The following SLC7A9 variants were observed in gnomAD, a reference collection of about 807,000 sequenced individuals.
SLC7A9 encodes the protein B(0,+)-type amino acid transporter 1.
SLC7A9 carries 38 observed loss-of-function variants against 54.1 expected under a neutral mutation model. The observed-to-expected ratio is 0.70, with a 90% CI of 0.54 to 0.92. SLC7A9 has a LOEUF of 0.92. Among genes scored for constraint, SLC7A9 ranks in the 40% least tolerant of loss-of-function variants. The pLI is 0.00. For synonymous variants in SLC7A9, 264 were observed against 258.9 expected (o/e 1.02, Z -0.19); for missense variants, 537 against 636.1 (o/e 0.84, Z 1.68).
At chr19:32,843,996 A>C (rs1305535870) in intron 9 of SLC7A9, 45 bp from the exon 10 acceptor site, 1 of 1,432,058 alleles carries the variant, frequency 7.0e-7, no homozygotes, top group Non-Finnish European at 9.8e-7. Context: ...AGTGCAGACC[A>C]TCTGTCCAGG....
At position 32,854,890 on chromosome 19, in the gene SLC7A9, G is replaced by T. The variant is rs117687915; in HGVS notation, c.977+3550C>A. ...GGCGTGAGCCACTGCACCTGGCCTT[G>T]GGTATATATTTGAATGAATTGAAAT... is the stretch of plus-strand genomic sequence containing the variant. On this transcript the variant is annotated intron_variant, in intron 9 of 12. Coordinates refer to ENST00000023064, the MANE Select transcript of SLC7A9 (RefSeq NM_014270.5). Among the ~76,000 whole-genome samples the T allele has an allele frequency of 8.9e-3, 1,355 of 152,048 alleles. 11 individuals carry two copies. The highest frequency in any genetic ancestry group is 0.017 in the Middle Eastern group (5 of 294).
At chr19:32,867,537 T>A (rs553938773) in intron 2 of SLC7A9, among the ~76,000 whole-genome samples, 18 of 151,186 alleles carry the variant, frequency 1.2e-4, no homozygotes, top group African/African-American at 4.1e-4. Context: ...TTTTTAAAAA[T>A]TTTTAAAAAG....
chr19:32,835,484 C>T (rs968951295), intron 11 of SLC7A9, among the ~76,000 whole-genome samples: 8 of 152,086 alleles, frequency 5.3e-5, no homozygotes, highest in African/African-American at 1.9e-4. Flanking sequence ...AATTTGAATA[C>T]ATGGAAGAAA....
chr19:32,858,583 G>A (rs370688507), intron 8 of SLC7A9, 40 bp from the exon 9 acceptor site: 45 of 1,516,792 alleles, frequency 3.0e-5, no homozygotes, highest in South Asian at 4.6e-5. Flanking sequence ...GGTCTTTCTT[G>A]GCCTCCAAGA....
rs61210582 is a variant in SLC7A9 at position 32,868,248 on chromosome 19, A to G, written c.87+200T>C. 0.19 allele frequency among the ~76,000 whole-genome samples: 26,992 copies of G among 145,178 alleles called. 2,856 individuals are homozygous for G. The highest frequency in any genetic ancestry group is 0.48 in the East Asian group (2,312 of 4,822). ...TCCATCTCAAAAAAAAAAAAAAAAA[A>G]AAGAAGATGCAGAATTCCCTGGCGA... On this transcript the variant is annotated intron_variant, in intron 2 of 12. Transcript: ENST00000023064.
intron 9 of SLC7A9, among the ~76,000 whole-genome samples, chr19:32,857,428 A>G (rs1456818695): frequency 6.6e-6 from 1 of 152,196 alleles, no homozygotes; most frequent in Non-Finnish European, 1.5e-5. Context: ...TGGGCGACAG[A>G]GTGAGACCTT....
At chr19:32,861,759 G>A (rs1968806416) in intron 6 of SLC7A9, among the ~76,000 whole-genome samples, 1 of 152,118 alleles carries the variant, frequency 6.6e-6, no homozygotes, top group African/African-American at 2.4e-5. Flanking sequence ...AGGCTGCAGT[G>A]AGCTATGATC....
At chr19:32,858,372 C>T in intron 9 of SLC7A9, 68 bp downstream of exon 9, 1 of 1,107,442 alleles carries the variant, frequency 9.0e-7, no homozygotes, top group Non-Finnish European at 1.4e-6. Flanking sequence ...AGCTGTGTGT[C>T]TTCCTCGGGG....
intron 9 of SLC7A9, among the ~76,000 whole-genome samples, chr19:32,857,020 AGGTGCCT>A (rs1968648471): frequency 6.6e-6 from 1 of 152,054 alleles, no homozygotes; most frequent in Non-Finnish European, 1.5e-5. Context: ...GCATGATGGC[AGGTGCCT>A]GTAATCCCAG....
chr19:32,867,987 T>TA (rs1969024789), intron 2 of SLC7A9, among the ~76,000 whole-genome samples: 2 of 143,070 alleles, frequency 1.4e-5, no homozygotes, highest in African/African-American at 5.2e-5. Context: ...CACACGCCTG[T>TA]AATCCCAGCA....
chr19:32,840,036 A>C (rs1426773732), intron 11 of SLC7A9, among the ~76,000 whole-genome samples: 6 of 152,070 alleles, frequency 3.9e-5, no homozygotes, highest in Admixed American at 3.9e-4. Flanking sequence ...TGCATGTATT[A>C]GATTCCCCAC....
rs1968991862 is a variant in SLC7A9 at position 32,867,022 on chromosome 19, G to GC, written c.87+1425dup. 3.3e-5 allele frequency among the ~76,000 whole-genome samples: 5 copies of GC among 152,100 alleles called. No homozygotes were observed. In the South Asian group the frequency reaches 1.0e-3, roughly 32 times the overall value. On this transcript the variant is annotated intron_variant, in intron 2 of 12. Transcript: ENST00000023064. ...TGAGCTCCTTTCTGCCTTCCCCCCA[G>GC]CCCCAAGCTCCCTTTCCCTGCAGGC...
At chr19:32,845,586 T>A (rs1334355704) in intron 9 of SLC7A9, among the ~76,000 whole-genome samples, 1 of 152,200 alleles carries the variant, frequency 6.6e-6, no homozygotes, top group Non-Finnish European at 1.5e-5. Context: ...AGCACAAGAT[T>A]TGAACATTAC....
intron 6 of SLC7A9, 33 bp downstream of exon 6, chr19:32,862,085 C>A: frequency 6.9e-7 from 1 of 1,444,270 alleles, no homozygotes; most frequent in Non-Finnish European, 9.7e-7. Context: ...ACCCCACCCA[C>A]CCCCAGACTC....
rs115109840 is a variant in SLC7A9, at chr19:32,865,677, G to T, written c.88-901C>A. ...AACTCACCAAACTCAGCACTAAAGAGCTGTACATTTCGACCAGGTGCAGTG... is the reference window on the plus strand; with the variant it reads ...AACTCACCAAACTCAGCACTAAAGATCTGTACATTTCGACCAGGTGCAGTG... On this transcript the variant is annotated intron_variant, in intron 2 of 12. Transcript: ENST00000023064. Among the ~76,000 whole-genome samples the T allele has an allele frequency of 4.0e-3, 610 of 152,284 alleles. 7 individuals are homozygous for T. The highest frequency in any genetic ancestry group is 0.014 in the African/African-American group (570 of 41,552).
At chr19:32,841,874 T>G (rs543501424) in intron 11 of SLC7A9, among the ~76,000 whole-genome samples, 29 of 152,240 alleles carry the variant, frequency 1.9e-4, no homozygotes, top group South Asian at 1.7e-3. Context: ...GCCACTGCAC[T>G]CCAGCCCAGG....
chr19:32,859,920 G>C lies in SLC7A9; in HGVS notation c.794C>G (p.Ala265Gly). The C allele has an allele frequency of 1.2e-6, 2 of 1,614,162 alleles. No homozygotes were observed. Among genetic ancestry groups the C allele is most frequent in the Non-Finnish European group, 1.7e-6 (2 of 1,180,020 alleles). Residue 265 changes from alanine to glycine, a missense_variant, in exon 8 of 13, where the codon GCG becomes GGG. Ala to Gly is a moderately conservative substitution (Grantham distance 60, BLOSUM62 0). Transcript: ENST00000023064. The stretch of plus-strand genomic sequence containing the variant: ...GGACACGTTCATGAGGATGTAGCAC[G>C]CCGTCACCAGGGGGATCCCGATGAT... ...AIIIGIPLVT[A>G]CYILMNVSYF...
Position 32,830,667 on chromosome 19 carries a change from G to T in SLC7A9, c.1417C>A (p.Leu473Ile), listed in dbSNP as rs761733714. 3.1e-6 allele frequency: 5 copies of T among 1,613,984 alleles called. No individual in the cohort carries two copies. The highest frequency in any genetic ancestry group is 4.2e-6 in the Non-Finnish European group (5 of 1,179,872). The change falls in exon 13 of 13, where the codon CTT becomes ATT. Residue 473 changes from leucine to isoleucine, a missense_variant. Transcript: ENST00000023064. ...QKISKPITMH[L>I]QMLMEVVPPE... ...GGGACCACTTCCATTAGCATCTGAA[G>T]GTGCATGGTAATCGGCTCTGAAATA...
At chr19:32,837,060 T>C (rs1967978644) in intron 11 of SLC7A9, among the ~76,000 whole-genome samples, 1 of 152,210 alleles carries the variant, frequency 6.6e-6, no homozygotes, top group South Asian at 2.1e-4. Flanking sequence ...ATGATAAGTC[T>C]GGTCTCCATT....
Sources: allele counts gnomAD v4.1 joint callset (sites outside exome capture counted in the v4.1 genomes callset), GRCh38; gene constraint gnomAD v4.1.1; transcripts MANE v1.5; gene names NCBI Gene and HGNC (gene_info 2026-07-23, HGNC 2026-07-21).